The following LARP4 variants were observed in gnomAD, a reference collection of about 807,000 sequenced individuals.
LARP4 encodes the protein la-related protein 4.
In LARP4, 29 loss-of-function variants were observed where a neutral mutation model predicts 92.9. The ratio of observed to expected loss-of-function variants is 0.31; its 90% CI spans 0.23 to 0.43. The LOEUF is 0.43. Ranked by LOEUF, LARP4 falls within the 20% of genes least tolerant of loss-of-function variation. LARP4 has a pLI of 1.00. For missense variants in LARP4, 732 were observed against 860.0 expected, an observed-to-expected ratio of 0.85 and a Z score of 1.86; for synonymous variants, 279 against 284.1, an observed-to-expected ratio of 0.98 and a Z score of 0.18.
At position 50,400,966 on chromosome 12, in the gene LARP4, T is replaced by C. The variant is rs1943697630; in HGVS notation, c.-45T>C. 2 of 1,613,900 alleles carry C rather than the reference T, an allele frequency of 1.2e-6. No homozygotes were observed. The highest frequency in any genetic ancestry group is 1.7e-6 in the Non-Finnish European group (2 of 1,179,936). On this transcript the variant is annotated 5_prime_UTR_variant, in exon 1 of 16. Transcript: ENST00000398473. ...ATTGGGGCGCGGGCCTGTGAGCCAGTTGGAGTTGCGGCGGCGGGAACGATT... is the reference window on the plus strand; with the variant it reads ...ATTGGGGCGCGGGCCTGTGAGCCAGCTGGAGTTGCGGCGGCGGGAACGATT...
At position 50,454,635 on chromosome 12, in the gene LARP4, T is replaced by G. The variant is rs1953886869; in HGVS notation, c.1121+218T>G. The G allele has an allele frequency of 7.8e-6, 3 of 383,068 alleles. No individual in the cohort carries two copies. The South Asian group carries it at 3.0e-4, about 38-fold the overall frequency. The allele number at this position is 383,068 out of a possible 1,614,324, so 23.7% of individuals were successfully genotyped here. On this transcript the variant is annotated intron_variant, in intron 10 of 15. Transcript: ENST00000398473. ...CATGTAACAGACTTGGGATTCAGAT[T>G]TTTTTTAATAATAAAAGAGAATAGA...
chr12:50,446,458 C>T (rs1478032064), intron 8 of LARP4, among the ~76,000 whole-genome samples: 6 of 123,340 alleles, frequency 4.9e-5, no homozygotes, highest in Admixed American at 1.9e-4. Flanking sequence ...GACGGAGTCT[C>T]GCTCTGTTAT....
intron 1 of LARP4, among the ~76,000 whole-genome samples, chr12:50,423,861 C>T (rs1948284652): frequency 6.6e-6 from 1 of 151,942 alleles, no homozygotes; most frequent in Non-Finnish European, 1.5e-5. Flanking sequence ...AAGCGATTCT[C>T]CTGCCTCAGC....
chr12:50,467,242 G>T, intron 13 of LARP4, 122 bp downstream of exon 13: 1 of 676,846 alleles, frequency 1.5e-6, no homozygotes, highest in South Asian at 3.5e-5. Context: ...TATTTATGGA[G>T]TTTTCAGCAT....
At chr12:50,473,587 C>T (rs747770017) in intron 14 of LARP4, 51 bp downstream of exon 14, 21 of 1,574,550 alleles carry the variant, frequency 1.3e-5, no homozygotes, top group Middle Eastern at 3.5e-4. Context: ...TTTTTCTGGC[C>T]GGGTGTGGTG....
At chr12:50,423,314 CATA>C (rs1948157401) in intron 1 of LARP4, among the ~76,000 whole-genome samples, 1 of 152,040 alleles carries the variant, frequency 6.6e-6, no homozygotes, top group South Asian at 2.1e-4. Flanking sequence ...TTTTCTATGA[CATA>C]ATAGTTTACA....
In LARP4 at chr12:50,430,343, A is replaced by G. The variant is rs920693814; in HGVS notation, c.323-152A>G. 3.4e-5 allele frequency: 19 copies of G among 555,774 alleles called. No homozygotes were observed. The African/African-American group carries it at 3.6e-4, about 11-fold the overall frequency. 34.4% of individuals were successfully genotyped at this position (555,774 alleles called of 1,614,324 possible). A position where few individuals can be genotyped will look rare whatever the true frequency, so the allele number is the denominator to read the frequency against. On this transcript the variant is annotated intron_variant, in intron 3 of 15. Coordinates refer to ENST00000398473, the MANE Select transcript of LARP4 (RefSeq NM_052879.5). ...CACACCACTGTACTCTAGCCTGGGC[A>G]ACAAAGGGAGACCCTGTTTCTCTGA...
chr12:50,477,551 T>TCTC lies in LARP4; in HGVS notation c.*1689_*1690insCCT, dbSNP rs1205537559. ...ATTACTGTGAAATTCATCTTCCAAC[T>TCTC]CTAAGTTAAGCTTTGGAGATACATG... On this transcript the variant is annotated 3_prime_UTR_variant, in exon 16 of 16. Coordinates refer to ENST00000398473, the MANE Select transcript of LARP4 (RefSeq NM_052879.5). 1 of 152,530 alleles carries TCTC rather than the reference T, an allele frequency of 6.6e-6. No individual in the cohort carries two copies. The highest frequency in any genetic ancestry group is 6.5e-5 in the Admixed American group (1 of 15,270). The allele number at this position is 152,530 out of a possible 1,614,324, so 9.4% of individuals were successfully genotyped here.
intron 1 of LARP4, 170 bp downstream of exon 1, chr12:50,401,198 C>T: frequency 2.7e-6 from 2 of 740,982 alleles, no homozygotes; most frequent in Non-Finnish European, 4.8e-6. Flanking sequence ...TGCGCGCTCA[C>T]AACACTCTAG....
At chr12:50,442,018 C>G (rs1249233967) in intron 8 of LARP4, among the ~76,000 whole-genome samples, 1 of 152,154 alleles carries the variant, frequency 6.6e-6, no homozygotes, top group East Asian at 1.9e-4. Flanking sequence ...TCACTGCACT[C>G]CAGCCTGGGG....
chr12:50,445,830 A>T (rs902490283), intron 8 of LARP4, among the ~76,000 whole-genome samples: 1 of 152,096 alleles, frequency 6.6e-6, no homozygotes, highest in Non-Finnish European at 1.5e-5. Flanking sequence ...AGAAACATAA[A>T]TGTTATCCAT....
chr12:50,406,946 A>G (rs936412518), intron 1 of LARP4, among the ~76,000 whole-genome samples: 1 of 151,936 alleles, frequency 6.6e-6, no homozygotes, highest in Non-Finnish European at 1.5e-5. Flanking sequence ...TCAAACTCCT[A>G]ACCTCAGATC....
chr12:50,453,997 G>T (rs1331948709), intron 9 of LARP4, among the ~76,000 whole-genome samples: 1 of 152,128 alleles, frequency 6.6e-6, no homozygotes, highest in African/African-American at 2.4e-5. Context: ...TGACTAAGAG[G>T]TGAGCTATTA....
intron 1 of LARP4, among the ~76,000 whole-genome samples, chr12:50,426,083 A>AG (rs1462980696): frequency 6.6e-6 from 1 of 152,060 alleles, no homozygotes; most frequent in Admixed American, 6.6e-5. Context: ...TTCCTGACCA[A>AG]GGAGGAGGAC....
intron 8 of LARP4, among the ~76,000 whole-genome samples, chr12:50,451,229 C>T (rs1284595653): frequency 6.6e-6 from 1 of 152,196 alleles, no homozygotes; most frequent in African/African-American, 2.4e-5. Flanking sequence ...CTGCCTCCCC[C>T]TATCCCTAGC....
intron 1 of LARP4, among the ~76,000 whole-genome samples, chr12:50,418,976 C>T (rs1482815498): frequency 2.6e-5 from 4 of 152,146 alleles, no homozygotes; most frequent in Non-Finnish European, 5.9e-5. Flanking sequence ...CCGTCTTGGC[C>T]TCTGAAAGTG....
Position 50,471,595 on chromosome 12 carries a change from C to T in LARP4, c.1546-1820C>T, listed in dbSNP as rs1593471064. ...CTGGAGTGCAGCGGCATGGTTTTGG[C>T]TTATTGCAACCTCCACTGCCAGGGT... is the stretch of plus-strand genomic sequence containing the variant. On this transcript the variant is annotated intron_variant, in intron 13 of 15. Transcript: ENST00000398473. Among the ~76,000 whole-genome samples the T allele has an allele frequency of 3.3e-5, 5 of 152,096 alleles. No individual in the cohort carries two copies. The East Asian group carries it at 9.6e-4, about 29-fold the overall frequency.
Position 50,427,832 on chromosome 12 carries a change from C to G in LARP4, c.89C>G (p.Thr30Ser). Residue 30 changes from threonine (T) to serine (S), a missense_variant, in exon 2 of 16, where the codon ACT (threonine) becomes AGT (serine). This residue lies in a region of LARP4 where 236 missense variants were observed against 307.6 expected (regional missense o/e 0.77). Transcript: ENST00000398473. ...KVWQEIAPGN[T>S]DATPVTHGTE... ...TGGCAAGAAATTGCTCCTGGAAATA[C>G]TGATGCCACCCCAGTAACTCATGGA... is the stretch of plus-strand genomic sequence containing the variant. 2 of 1,603,494 alleles carry G rather than the reference C, an allele frequency of 1.2e-6. No homozygotes were observed. Among genetic ancestry groups the G allele is most frequent in the South Asian group, 2.2e-5 (2 of 89,708 alleles).
At chr12:50,404,802 G>A (rs1254621450) in intron 1 of LARP4, among the ~76,000 whole-genome samples, 6 of 147,590 alleles carry the variant, frequency 4.1e-5, no homozygotes, top group Non-Finnish European at 8.9e-5. Flanking sequence ...TGATTCTCCT[G>A]CCTCAGCCTC....
Sources: allele counts gnomAD v4.1 joint callset (sites outside exome capture counted in the v4.1 genomes callset), GRCh38; gene constraint gnomAD v4.1.1; regional missense constraint gnomAD v4.1.1; transcripts MANE v1.5; gene names NCBI Gene and HGNC (gene_info 2026-07-23, HGNC 2026-07-21).